CNBD1: variants seen among roughly 807,000 people sequenced by gnomAD.
CNBD1 encodes the protein cyclic nucleotide binding domain containing 1, also known as cyclic nucleotide-binding domain-containing protein 1.
Under a neutral mutation model 54.4 loss-of-function variants are expected in CNBD1, and 71 were observed. The observed-to-expected ratio is 1.30, with a 90% CI of 1.08 to 1.59. The LOEUF is 1.59. CNBD1 is among the 40% of genes most tolerant of loss of function. The pLI, the probability that CNBD1 is intolerant of heterozygous loss-of-function variation, is 0.00. For synonymous variants in CNBD1, 182 were observed against 170.7 expected, an observed-to-expected ratio of 1.07 and a Z score of -0.51; for missense variants, 659 against 518.0, an observed-to-expected ratio of 1.27 and a Z score of -2.64.
At chr8:87,382,554 G>T in intron 10 of CNBD1, 66 bp from the exon 11 acceptor site, 1 of 1,334,684 alleles carries the variant, frequency 7.5e-7, no homozygotes, top group African/African-American at 1.5e-5. Context: ...CTATTCTGTA[G>T]GAAAATAATT....
At chr8:87,015,897 C>T (rs766617273) in intron 4 of CNBD1, among the ~76,000 whole-genome samples, 3 of 138,670 alleles carry the variant, frequency 2.2e-5, no homozygotes, top group Admixed American at 8.1e-5. Context: ...AGGAGAATTG[C>T]TTGAACCCAG....
downstream of CNBD1, among the ~76,000 whole-genome samples, chr8:87,386,714 G>A (rs530741963): frequency 3.9e-5 from 6 of 152,280 alleles, no homozygotes; most frequent in Admixed American, 2.0e-4. Context: ...CTTCCCCAAT[G>A]TAGCAAGGCA....
In CNBD1 at chr8:87,372,773, G is replaced by T. The variant is rs187137516; in HGVS notation, c.1304-9847G>T. On this transcript the variant is annotated intron_variant, in intron 10 of 10. Transcript: ENST00000518476. ...TTTAAGTTCAATCACCTCATATATG[G>T]CAAATTTTCACTAGATGTCTAGAAC... is the stretch of plus-strand genomic sequence containing the variant. 3.8e-3 allele frequency among the ~76,000 whole-genome samples: 574 copies of T among 151,648 alleles called. 6 individuals are homozygous for T. Among genetic ancestry groups the T allele is most frequent in the African/African-American group, 0.013 (558 of 41,426 alleles).
intron 4 of CNBD1, among the ~76,000 whole-genome samples, chr8:87,164,012 C>T (rs532209692): frequency 5.8e-4 from 88 of 151,836 alleles, no homozygotes; most frequent in Non-Finnish European, 9.1e-4. Flanking sequence ...TGAAAGAATG[C>T]CTAGTTTTGT....
intron 4 of CNBD1, among the ~76,000 whole-genome samples, chr8:87,040,282 G>A (rs1810036859): frequency 6.6e-6 from 1 of 152,218 alleles, no homozygotes; most frequent in African/African-American, 2.4e-5. Flanking sequence ...GACAAGGACA[G>A]CTTGGAGATT....
chr8:87,204,779 C>T (rs548396441), intron 4 of CNBD1, among the ~76,000 whole-genome samples: 1 of 152,062 alleles, frequency 6.6e-6, no homozygotes. Flanking sequence ...TCCTTGCCAC[C>T]TCCTGTTTGG....
chr8:87,327,532 A>G (rs1478434127), intron 8 of CNBD1, among the ~76,000 whole-genome samples: 1 of 152,156 alleles, frequency 6.6e-6, no homozygotes, highest in Non-Finnish European at 1.5e-5. Flanking sequence ...GCCGGTCTGA[A>G]AAGCGCAATA....
chr8:87,228,107 C>T (rs1286785580), intron 5 of CNBD1, among the ~76,000 whole-genome samples: 1 of 151,264 alleles, frequency 6.6e-6, no homozygotes, highest in East Asian at 1.9e-4. Flanking sequence ...CCTTTAAGCA[C>T]TTCTCTGTAT....
chr8:87,372,054 G>C (rs984249783), intron 10 of CNBD1, among the ~76,000 whole-genome samples: 1 of 151,990 alleles, frequency 6.6e-6, no homozygotes. Context: ...AATTGTCCCT[G>C]TTTGCAGACG....
At chr8:86,873,745 A>G (rs1304505145) in intron 1 of CNBD1, among the ~76,000 whole-genome samples, 2 of 152,172 alleles carry the variant, frequency 1.3e-5, no homozygotes, top group East Asian at 1.9e-4. Context: ...ATTATGAATG[A>G]TATCTTTTTC....
chr8:87,143,350 C>T (rs1379853529), intron 4 of CNBD1, among the ~76,000 whole-genome samples: 11 of 152,162 alleles, frequency 7.2e-5, no homozygotes, highest in Middle Eastern at 3.4e-3. Context: ...CTTTTCAAGC[C>T]GGCAGATTGT....
At chr8:87,116,644 T>C (rs2130710343) in intron 4 of CNBD1, among the ~76,000 whole-genome samples, 1 of 152,300 alleles carries the variant, frequency 6.6e-6, no homozygotes, top group South Asian at 2.1e-4. Flanking sequence ...GTCAGTCAAA[T>C]CTGTGTTCCT....
intron 4 of CNBD1, among the ~76,000 whole-genome samples, chr8:87,141,137 C>T (rs1466990581): frequency 1.3e-5 from 2 of 152,050 alleles, no homozygotes; most frequent in Non-Finnish European, 2.9e-5. Flanking sequence ...AATCAATTTA[C>T]TTAGTAGAAA....
chr8:87,085,061 G>T (rs928931824), intron 4 of CNBD1, among the ~76,000 whole-genome samples: 3 of 151,850 alleles, frequency 2.0e-5, no homozygotes, highest in African/African-American at 7.3e-5. Flanking sequence ...AGTTATTTTT[G>T]AAGAATTCCC....
In CNBD1 at chr8:86,894,631, T is replaced by A. The variant is rs1459123500; in HGVS notation, c.158+7020T>A. On this transcript the variant is annotated intron_variant, in intron 2 of 10. Coordinates refer to ENST00000518476, the MANE Select transcript of CNBD1 (RefSeq NM_173538.3). ...CAACCATTCCATGTAATGACGTGTGTTCAATGTTACAGAATAATTTTACTA... is the reference window on the plus strand; with the variant it reads ...CAACCATTCCATGTAATGACGTGTGATCAATGTTACAGAATAATTTTACTA... 2.0e-5 allele frequency among the ~76,000 whole-genome samples: 3 copies of A among 152,134 alleles called. No individual in the cohort carries two copies. The East Asian group carries it at 5.8e-4, about 29-fold the overall frequency.
intron 3 of CNBD1, among the ~76,000 whole-genome samples, chr8:86,939,344 G>A (rs1809608674): frequency 6.6e-6 from 1 of 152,040 alleles, no homozygotes; most frequent in Non-Finnish European, 1.5e-5. Context: ...GCTCAGGACA[G>A]TTATAATACA....
intron 4 of CNBD1, among the ~76,000 whole-genome samples, chr8:87,168,139 T>C (rs1055749520): frequency 1.1e-4 from 17 of 152,074 alleles, no homozygotes; most frequent in African/African-American, 3.9e-4. Flanking sequence ...TGTATATGTA[T>C]GCACAGTTTT....
chr8:87,420,774 C>CT (rs1167576631), intron 2 of CNBD1, among the ~76,000 whole-genome samples: 2,244 of 141,820 alleles, frequency 0.016, 42 homozygotes, highest in African/African-American at 0.041. Flanking sequence ...TGATTTTCTT[C>CT]TTTTTTTTTT....
Position 87,134,366 on chromosome 8 carries a change from G to A in CNBD1, c.432-71627G>A, listed in dbSNP as rs539187564. Among the ~76,000 whole-genome samples, 211 of 151,988 alleles carry A rather than the reference G, an allele frequency of 1.4e-3. 3 individuals carry two copies. The highest frequency in any genetic ancestry group is 4.7e-3 in the African/African-American group (195 of 41,464). On this transcript the variant is annotated intron_variant, in intron 4 of 10. Transcript: ENST00000518476. Reference sequence around the variant, plus strand: ...AAAACTTCCAGTTTCGTAAAATGTCGTTAGCAACAAAAAAGAGTATATAGT... The same window carrying A: ...AAAACTTCCAGTTTCGTAAAATGTCATTAGCAACAAAAAAGAGTATATAGT...
Sources: gnomAD v4.1 joint callset for allele counts (sites outside exome capture counted in the v4.1 genomes callset) on GRCh38, gnomAD v4.1.1 for gene constraint, MANE v1.5 for transcripts, NCBI Gene and HGNC (gene_info 2026-07-23, HGNC 2026-07-21) for gene names.